XKR9: variants seen among roughly 807,000 people sequenced by gnomAD.
XKR9 encodes XK related 9, also known as XK-related protein 9.
In XKR9, 32 loss-of-function variants were observed where a neutral mutation model predicts 32.0. That is an observed-to-expected ratio of 1.00 (90% CI 0.76 to 1.34). The LOEUF is 1.34. Among genes scored for constraint, XKR9 ranks in the 40% most tolerant of loss-of-function variants. XKR9 has a pLI of 0.00. For synonymous variants in XKR9, 168 were observed against 143.4 expected (o/e 1.17, Z -1.22); for missense variants, 546 against 429.7 (o/e 1.27, Z -2.39).
At chr8:70,993,646 CT>C in the XKR9 span, among the ~76,000 whole-genome samples, 2 of 150,424 alleles carry the variant, frequency 1.3e-5, no homozygotes, top group African/African-American at 4.9e-5. Context: ...TCCTTCCTTC[CT>C]TCCTTCCTTC....
chr8:70,867,304 C>A, the XKR9 span, among the ~76,000 whole-genome samples: 3 of 152,172 alleles, frequency 2.0e-5, no homozygotes, highest in Non-Finnish European at 4.4e-5. Context: ...CCCACCAGGT[C>A]CCTCCCACAA....
At chr8:70,676,973 G>A (rs139579266) in intron 2 of XKR9, among the ~76,000 whole-genome samples, 93 of 152,164 alleles carry the variant, frequency 6.1e-4, no homozygotes, top group African/African-American at 2.2e-3. Flanking sequence ...AAGTATTATA[G>A]TCTGTAATTT....
chr8:70,996,046 A>G, the XKR9 span, among the ~76,000 whole-genome samples: 44 of 152,272 alleles, frequency 2.9e-4, no homozygotes, highest in South Asian at 9.1e-3. Flanking sequence ...GTAGGGGAAA[A>G]AAACAAAATA....
chr8:70,824,500 T>C, the XKR9 span, among the ~76,000 whole-genome samples: 1 of 152,064 alleles, frequency 6.6e-6, no homozygotes, highest in Non-Finnish European at 1.5e-5. Flanking sequence ...CTTTTACTAC[T>C]TCAGGAGGTC....
chr8:70,730,988 A>T (rs989519550), intron 4 of XKR9, among the ~76,000 whole-genome samples: 3 of 152,198 alleles, frequency 2.0e-5, no homozygotes. Flanking sequence ...GACACAACAC[A>T]AGATAGAGAA....
chr8:71,034,066 C>A, the XKR9 span, among the ~76,000 whole-genome samples: 1 of 152,154 alleles, frequency 6.6e-6, no homozygotes, highest in Non-Finnish European at 1.5e-5. Flanking sequence ...TGCTTTGACC[C>A]ATAGAGTATG....
At chr8:70,855,768 C>T in the XKR9 span, among the ~76,000 whole-genome samples, 1 of 152,242 alleles carries the variant, frequency 6.6e-6, no homozygotes, top group South Asian at 2.1e-4. Flanking sequence ...ATCAGACTAA[C>T]AGCTGATCTC....
the XKR9 span, among the ~76,000 whole-genome samples, chr8:70,897,205 C>A: frequency 6.6e-6 from 1 of 152,144 alleles, no homozygotes; most frequent in Non-Finnish European, 1.5e-5. Context: ...GCTGTTGTTG[C>A]AAATGACAGG....
chr8:70,986,567 G>A, the XKR9 span, among the ~76,000 whole-genome samples: 1 of 152,162 alleles, frequency 6.6e-6, no homozygotes, highest in Non-Finnish European at 1.5e-5. Flanking sequence ...GACATAGTAG[G>A]CTTTTTAGAC....
intron 3 of XKR9, among the ~76,000 whole-genome samples, chr8:70,702,105 T>A (rs567385732): frequency 4.6e-5 from 7 of 152,256 alleles, no homozygotes; most frequent in Admixed American, 4.6e-4. Context: ...ATAGTTGAAC[T>A]CTCCTTCTTA....
intron 3 of XKR9, among the ~76,000 whole-genome samples, chr8:70,692,492 G>A (rs1805110384): frequency 6.6e-6 from 1 of 152,002 alleles, no homozygotes; most frequent in Non-Finnish European, 1.5e-5. Flanking sequence ...TCCTTGTCTT[G>A]TACGAGTTTT....
chr8:70,821,055 T>G, the XKR9 span, among the ~76,000 whole-genome samples: 1 of 152,152 alleles, frequency 6.6e-6, no homozygotes, highest in African/African-American at 2.4e-5. Context: ...GCAAGTCCCT[T>G]CTGTCTATGA....
chr8:70,988,284 T>A, the XKR9 span, among the ~76,000 whole-genome samples: 1 of 149,934 alleles, frequency 6.7e-6, no homozygotes, highest in Non-Finnish European at 1.5e-5. Flanking sequence ...AAGAAAATTA[T>A]CCCTATCTAG....
At position 70,757,784 on chromosome 8, in the gene XKR9, G is replaced by A. The variant is rs560194275; in HGVS notation, n.353-31555G>A. 8.2e-4 allele frequency among the ~76,000 whole-genome samples: 125 copies of A among 151,982 alleles called. 1 individual carries two copies. The highest frequency in any genetic ancestry group is 2.8e-3 in the African/African-American group (116 of 41,454). On this transcript the variant is annotated intron_variant and non_coding_transcript_variant, in intron 2 of 3. Coordinates refer to the XKR9 transcript ENST00000520273. ...GTATTTTTAGTAGAGACAGGATTTCGCCATGTTGGTCAGGCTGGTCTCGAA... is the reference window on the plus strand; with the variant it reads ...GTATTTTTAGTAGAGACAGGATTTCACCATGTTGGTCAGGCTGGTCTCGAA...
At chr8:70,771,857 A>G (rs996956918) in intron 2 of XKR9, among the ~76,000 whole-genome samples, 16 of 152,318 alleles carry the variant, frequency 1.1e-4, no homozygotes, top group African/African-American at 3.8e-4. Context: ...CTTTTAGAGT[A>G]TGGCAATAAG....
At chr8:70,736,312 G>T (rs1355937384), downstream of XKR9, among the ~76,000 whole-genome samples, 3 of 123,178 alleles carry the variant, frequency 2.4e-5, no homozygotes, top group African/African-American at 7.9e-5. Flanking sequence ...TTTTGATGGG[G>T]TTGTTTGTTT....
the XKR9 span, among the ~76,000 whole-genome samples, chr8:70,879,523 T>C: frequency 1.3e-5 from 2 of 152,114 alleles, no homozygotes; most frequent in Non-Finnish European, 2.9e-5. Flanking sequence ...GAGAATACTA[T>C]AAACACCTTT....
At chr8:70,678,362 G>A (rs978949676) in intron 2 of XKR9, among the ~76,000 whole-genome samples, 1 of 152,086 alleles carries the variant, frequency 6.6e-6, no homozygotes, top group African/African-American at 2.4e-5. Flanking sequence ...AGGTGCATGT[G>A]ATAATTTAAT....
At chr8:70,970,693 A>C in the XKR9 span, among the ~76,000 whole-genome samples, 2 of 152,044 alleles carry the variant, frequency 1.3e-5, no homozygotes, top group African/African-American at 2.4e-5. Flanking sequence ...TATGTGCCAC[A>C]TTTTCTTTAT....
Sources: gnomAD v4.1 joint callset for allele counts (sites outside exome capture counted in the v4.1 genomes callset) on GRCh38, gnomAD v4.1.1 for gene constraint, MANE v1.5 for transcripts, NCBI Gene and HGNC (gene_info 2026-07-23, HGNC 2026-07-21) for gene names.